Variants in ZNF609 observed in about 807,000 individuals in gnomAD.
ZNF609 encodes zinc finger protein 609.
Under a neutral mutation model 109.5 loss-of-function variants are expected in ZNF609, and 11 were observed. The ratio of observed to expected loss-of-function variants is 0.10; its 90% CI spans 0.06 to 0.17. ZNF609 has a LOEUF of 0.17. Ranked by LOEUF, ZNF609 falls within the 10% of genes least tolerant of loss-of-function variation. The probability of loss-of-function intolerance (pLI) is 1.00; values close to 1 mark genes in which losing one functional copy is unlikely to be tolerated. For synonymous variants in ZNF609, 646 were observed against 662.0 expected, an observed-to-expected ratio of 0.98 and a Z score of 0.37; for missense variants, 1,559 against 1,772.4, an observed-to-expected ratio of 0.88 and a Z score of 2.16.
At chr15:64,644,547 T>C (rs1385157411) in intron 3 of ZNF609, among the ~76,000 whole-genome samples, 1 of 152,162 alleles carries the variant, frequency 6.6e-6, no homozygotes, top group Non-Finnish European at 1.5e-5. Context: ...ATATAACAGA[T>C]GATGGATCCA....
At chr15:64,536,568 G>A (rs1368422797) in intron 2 of ZNF609, among the ~76,000 whole-genome samples, 2 of 152,018 alleles carry the variant, frequency 1.3e-5, no homozygotes, top group East Asian at 1.9e-4. Context: ...TAACCAGGGA[G>A]ATGGGACTTA....
intron 2 of ZNF609, chr15:64,593,043 G>T: frequency 6.3e-7 from 1 of 1,590,714 alleles, no homozygotes; most frequent in Non-Finnish European, 8.5e-7. Context: ...CAGCCTATTC[G>T]CTGCACTAAC....
At chr15:64,474,584 G>A (rs1013933007) in intron 1 of ZNF609, among the ~76,000 whole-genome samples, 2 of 151,496 alleles carry the variant, frequency 1.3e-5, no homozygotes, top group African/African-American at 4.9e-5. Context: ...GCCTTTTTTT[G>A]TATTGCATAC....
chr15:64,675,663 G>C lies in ZNF609; in HGVS notation c.2809G>C (p.Gly937Arg), dbSNP rs748332846. Residue 937 changes from glycine (G) to arginine (R), a missense_variant, in exon 5 of 10, where the codon GGG becomes CGG. Physicochemically the swap from Gly to Arg is moderately radical, Grantham distance 125. Transcript: ENST00000326648. ...KRDEEPESIE[G>R]KVKNDICEEK... is the part of the protein sequence containing the mutation. Reference sequence around the variant, plus strand: ...GGATGAGGAACCTGAGAGCATAGAAGGGAAAGTGAAGAACGATATCTGTGA... The same window carrying C: ...GGATGAGGAACCTGAGAGCATAGAACGGAAAGTGAAGAACGATATCTGTGA... 1.2e-6 allele frequency: 2 copies of C among 1,614,088 alleles called. No homozygotes were observed. Among genetic ancestry groups the C allele is most frequent in the Non-Finnish European group, 1.7e-6 (2 of 1,180,036 alleles).
intron 3 of ZNF609, among the ~76,000 whole-genome samples, chr15:64,627,912 A>C (rs1197025614): frequency 6.7e-6 from 1 of 150,102 alleles, no homozygotes; most frequent in Non-Finnish European, 1.5e-5. Context: ...ATCCCACCTC[A>C]GCCTCCCAAA....
chr15:64,582,749 C>T (rs866647047), intron 2 of ZNF609, among the ~76,000 whole-genome samples: 78 of 55,854 alleles, frequency 1.4e-3, no homozygotes, highest in South Asian at 2.2e-3. Flanking sequence ...GAGACAGAGT[C>T]TTTTTTTTTT....
At chr15:64,578,626 G>C (rs1895041945) in intron 2 of ZNF609, among the ~76,000 whole-genome samples, 1 of 152,200 alleles carries the variant, frequency 6.6e-6, no homozygotes, top group East Asian at 1.9e-4. Flanking sequence ...CCGGGAGGTG[G>C]AGGTTGCAGT....
intron 3 of ZNF609, among the ~76,000 whole-genome samples, chr15:64,663,994 C>T (rs58852420): frequency 0.098 from 14,883 of 152,088 alleles, 958 homozygotes; most frequent in African/African-American, 0.18. Flanking sequence ...TTTGGGAGCC[C>T]GAGGCAGGTG....
chr15:64,590,299 G>C (rs1895271152), intron 2 of ZNF609, among the ~76,000 whole-genome samples: 1 of 151,994 alleles, frequency 6.6e-6, no homozygotes, highest in Non-Finnish European at 1.5e-5. Flanking sequence ...AGAGCGTATG[G>C]GATAAATTGA....
chr15:64,657,815 C>A (rs1055876798), intron 3 of ZNF609, among the ~76,000 whole-genome samples: 66 of 152,138 alleles, frequency 4.3e-4, no homozygotes, highest in African/African-American at 1.5e-3. Flanking sequence ...GCAGAATGGG[C>A]AGGTCATGGT....
chr15:64,656,464 C>G (rs1367932750), intron 3 of ZNF609, among the ~76,000 whole-genome samples: 1 of 152,140 alleles, frequency 6.6e-6, no homozygotes, highest in Non-Finnish European at 1.5e-5. Flanking sequence ...TTTTCCATAT[C>G]TCCTTCCTAC....
At chr15:64,477,623 C>CTT (rs528565686) in intron 1 of ZNF609, among the ~76,000 whole-genome samples, 7,956 of 142,248 alleles carry the variant, frequency 0.056, 610 homozygotes, top group African/African-American at 0.17. Flanking sequence ...GTCTTATTTC[C>CTT]TTTTTTTTTT....
Position 64,559,397 on chromosome 15 carries a change from G to A in ZNF609, c.747+59231G>A, listed in dbSNP as rs547727127. 9.2e-5 allele frequency among the ~76,000 whole-genome samples: 14 copies of A among 152,306 alleles called. No individual in the cohort carries two copies. The South Asian group carries it at 2.7e-3, about 29-fold the overall frequency. On this transcript the variant is annotated intron_variant, in intron 2 of 9. Transcript: ENST00000326648. Reference sequence around the variant, plus strand: ...AAAGTGCCTGATGGCAGCAACCAAGGGGAAAGGAAGATTGGCTGAGCCCCT... The same window carrying A: ...AAAGTGCCTGATGGCAGCAACCAAGAGGAAAGGAAGATTGGCTGAGCCCCT...
rs528541139 is a variant in ZNF609, at chr15:64,510,610, G to A, written c.747+10444G>A. On this transcript the variant is annotated intron_variant, in intron 2 of 9. Coordinates refer to ENST00000326648, the MANE Select transcript of ZNF609 (RefSeq NM_015042.2). ...AAAAAACCTAGTATATGTAGGGTTC[G>A]ATAATATCTGCCATTTCAGACATCT... Among the ~76,000 whole-genome samples, 6 of 152,224 alleles carry A rather than the reference G, an allele frequency of 3.9e-5. No individual in the cohort carries two copies. The South Asian group carries it at 1.0e-3, about 26-fold the overall frequency.
chr15:64,518,212 C>T (rs1215628165), intron 2 of ZNF609, among the ~76,000 whole-genome samples: 1 of 152,176 alleles, frequency 6.6e-6, no homozygotes, highest in African/African-American at 2.4e-5. Context: ...CAAGGAAGAT[C>T]TCTGCTCAAA....
At chr15:64,573,621 C>T (rs1382537981) in intron 2 of ZNF609, among the ~76,000 whole-genome samples, 1 of 151,962 alleles carries the variant, frequency 6.6e-6, no homozygotes, top group Non-Finnish European at 1.5e-5. Context: ...CCTCGGCCTC[C>T]CAAAATGCTG....
intron 2 of ZNF609, among the ~76,000 whole-genome samples, chr15:64,556,222 C>T (rs1411338401): frequency 6.6e-6 from 1 of 151,900 alleles, no homozygotes. Context: ...TCTCAAACTC[C>T]TGGGCTCAAA....
At chr15:64,573,903 C>G (rs1894904354) in intron 2 of ZNF609, among the ~76,000 whole-genome samples, 1 of 152,114 alleles carries the variant, frequency 6.6e-6, no homozygotes, top group Non-Finnish European at 1.5e-5. Flanking sequence ...CCCAGGACCT[C>G]AGGTCCTTGT....
In ZNF609 at chr15:64,529,753, G is replaced by A. The variant is rs552620880; in HGVS notation, c.747+29587G>A. On this transcript the variant is annotated intron_variant, in intron 2 of 9. Transcript: ENST00000326648. Reference sequence around the variant, plus strand: ...GGAGGAGCAGAGACTTTTTTGAGACGGAGTTTCACTCTTGTTACCCAGGCT... The same window carrying A: ...GGAGGAGCAGAGACTTTTTTGAGACAGAGTTTCACTCTTGTTACCCAGGCT... 5.6e-5 allele frequency: 31 copies of A among 553,908 alleles called. No individual in the cohort carries two copies. The East Asian group carries it at 7.5e-4, about 13-fold the overall frequency. 34.3% of individuals were successfully genotyped at this position (553,908 alleles called of 1,614,324 possible). A position where few individuals can be genotyped will look rare whatever the true frequency, so the allele number is the denominator to read the frequency against.
Sources: allele counts gnomAD v4.1 joint callset (sites outside exome capture counted in the v4.1 genomes callset), GRCh38; gene constraint gnomAD v4.1.1; transcripts MANE v1.5; gene names NCBI Gene and HGNC (gene_info 2026-07-23, HGNC 2026-07-21).